Variants in STK3 observed in about 807,000 individuals in gnomAD.
The protein encoded by STK3 is serine/threonine-protein kinase 3.
A neutral mutation model predicts 58.0 loss-of-function variants in STK3; 41 were observed. The ratio of observed to expected loss-of-function variants is 0.71; its 90% CI spans 0.55 to 0.92. The LOEUF is 0.92. STK3 is among the 40% of genes least tolerant of loss of function. The probability of loss-of-function intolerance (pLI) is 0.00; values close to 1 mark genes in which losing one functional copy is unlikely to be tolerated. For missense variants in STK3, 479 were observed against 602.7 expected (o/e 0.79, Z 2.15); for synonymous variants, 170 against 191.0 (o/e 0.89, Z 0.91).
Position 98,410,307 on chromosome 8 carries a change from A to G in STK3, n.484-8794T>C, listed in dbSNP as rs1234122385. On this transcript the variant is annotated intron_variant and non_coding_transcript_variant, in intron 3 of 3. Transcript: ENST00000517832. The stretch of plus-strand genomic sequence containing the variant: ...ATGTGAACGCCGTCCTCTCGCCTTC[A>G]TCTACTTCTGGAGATAATGAAATAG... 4.6e-5 allele frequency among the ~76,000 whole-genome samples: 7 copies of G among 152,302 alleles called. No homozygotes were observed. In the South Asian group the frequency reaches 8.3e-4, roughly 18 times the overall value.
intron 3 of STK3, among the ~76,000 whole-genome samples, chr8:98,878,254 T>C (rs1837635428): frequency 1.3e-5 from 2 of 152,252 alleles, no homozygotes; most frequent in Admixed American, 1.3e-4. Flanking sequence ...GGTTTCCCCA[T>C]GTTGGCCAGG....
intron 10 of STK3, among the ~76,000 whole-genome samples, chr8:98,475,853 T>G (rs895421688): frequency 1.3e-5 from 2 of 152,224 alleles, no homozygotes; most frequent in African/African-American, 4.8e-5. Context: ...TAGAATTTCT[T>G]GCTTTTTCTG....
At chr8:98,782,111 G>A (rs931228724) in intron 1 of STK3, 8 of 233,768 alleles carry the variant, frequency 3.4e-5, no homozygotes, top group African/African-American at 1.4e-4. Flanking sequence ...AGATCTGGCT[G>A]GACACCAATG....
intron 10 of STK3, among the ~76,000 whole-genome samples, chr8:98,514,917 C>T (rs961277661): frequency 2.0e-5 from 3 of 152,084 alleles, no homozygotes; most frequent in South Asian, 2.1e-4. Flanking sequence ...ATCTGTTCTT[C>T]CCTTTTTCTA....
At chr8:98,919,339 A>C (rs546581337) in intron 1 of STK3, among the ~76,000 whole-genome samples, 1 of 152,358 alleles carries the variant, frequency 6.6e-6, no homozygotes, top group African/African-American at 2.4e-5. Context: ...GTGTTGTCTT[A>C]GTAGATAAGC....
At chr8:98,872,297 A>G (rs567369727) in intron 3 of STK3, among the ~76,000 whole-genome samples, 1 of 152,248 alleles carries the variant, frequency 6.6e-6, no homozygotes, top group African/African-American at 2.4e-5. Context: ...TATTGGTATA[A>G]AATTCTCTTT....
chr8:98,638,336 C>T (rs948836769), intron 6 of STK3: 2 of 152,120 alleles, frequency 1.3e-5, no homozygotes, highest in African/African-American at 2.4e-5. Flanking sequence ...TTTTTTTAAA[C>T]TTGCCTAAAT....
intron 3 of STK3, among the ~76,000 whole-genome samples, chr8:98,416,538 C>G (rs1200050091): frequency 6.6e-6 from 1 of 152,238 alleles, no homozygotes; most frequent in Non-Finnish European, 1.5e-5. Flanking sequence ...CTCCACTGGG[C>G]AGGCCTGGAG....
intron 1 of STK3, among the ~76,000 whole-genome samples, chr8:98,925,161 G>A (rs1291735806): frequency 6.6e-6 from 1 of 152,196 alleles, no homozygotes; most frequent in Non-Finnish European, 1.5e-5. Flanking sequence ...TCATTCATCA[G>A]ACTCAATGCT....
downstream of STK3, among the ~76,000 whole-genome samples, chr8:98,451,348 AAGC>A (rs1318060516): frequency 6.6e-6 from 1 of 152,152 alleles, no homozygotes; most frequent in African/African-American, 2.4e-5. Flanking sequence ...GAGAGTTTGG[AAGC>A]AGTTCAGTTT....
chr8:98,921,477 C>T, intron 1 of STK3: 1 of 153,052 alleles, frequency 6.5e-6, no homozygotes. Context: ...ACCTGCCTAG[C>T]CAGCCAGATC....
At chr8:98,509,180 G>A (rs1192234419) in intron 10 of STK3, among the ~76,000 whole-genome samples, 2 of 151,888 alleles carry the variant, frequency 1.3e-5, no homozygotes, top group East Asian at 1.9e-4. Flanking sequence ...TCTTAACTTG[G>A]ACAAAATATA....
At chr8:98,562,984 C>G (rs147753004) in intron 8 of STK3, among the ~76,000 whole-genome samples, 412 of 144,206 alleles carry the variant, frequency 2.9e-3, no homozygotes, top group Non-Finnish European at 4.9e-3. Flanking sequence ...TTTAGGAGGT[C>G]AGGGGATCCC....
At chr8:98,860,736 G>C (rs1050418394) in intron 3 of STK3, among the ~76,000 whole-genome samples, 3 of 152,038 alleles carry the variant, frequency 2.0e-5, no homozygotes, top group African/African-American at 7.2e-5. Flanking sequence ...GGACACTATG[G>C]ACCAGCATAC....
intron 4 of STK3, among the ~76,000 whole-genome samples, chr8:98,747,938 C>T (rs1728236886): frequency 6.6e-6 from 1 of 152,136 alleles, no homozygotes; most frequent in South Asian, 2.1e-4. Context: ...CCTTTGATAA[C>T]TGACAAAGAG....
At chr8:98,768,405 TTTA>T (rs1213618025) in intron 2 of STK3, among the ~76,000 whole-genome samples, 2 of 152,220 alleles carry the variant, frequency 1.3e-5, no homozygotes, top group Non-Finnish European at 2.9e-5. Context: ...TTTATAATCT[TTTA>T]AAATAAGTGA....
intron 1 of STK3, among the ~76,000 whole-genome samples, chr8:98,776,952 A>G (rs1411445868): frequency 6.6e-6 from 1 of 152,034 alleles, no homozygotes; most frequent in African/African-American, 2.4e-5. Flanking sequence ...TGCGAGGCTG[A>G]GGCAGGAGAA....
intron 1 of STK3, among the ~76,000 whole-genome samples, chr8:98,893,405 A>AGAAGGAAG (rs60738697): frequency 2.0e-5 from 2 of 98,442 alleles, no homozygotes; most frequent in Non-Finnish European, 4.0e-5. Flanking sequence ...AAAGAAAGAA[A>AGAAGGAAG]GAAGGAAGGA....
intron 10 of STK3, among the ~76,000 whole-genome samples, chr8:98,463,616 T>C (rs1820188712): frequency 6.6e-6 from 1 of 152,266 alleles, no homozygotes; most frequent in South Asian, 2.1e-4. Flanking sequence ...TCAGTAAAAT[T>C]AGAACTTCCT....
Sources: gnomAD v4.1 joint callset for allele counts (sites outside exome capture counted in the v4.1 genomes callset) on GRCh38, gnomAD v4.1.1 for gene constraint, MANE v1.5 for transcripts, NCBI Gene and HGNC (gene_info 2026-07-23, HGNC 2026-07-21) for gene names.